Variants in MTSS1 observed in about 807,000 individuals in gnomAD.
The protein encoded by MTSS1 is MTSS I-BAR domain containing 1, also known as protein MTSS 1.
MTSS1 carries 18 observed loss-of-function variants against 79.0 expected under a neutral mutation model. That is an observed-to-expected ratio of 0.23 (90% CI 0.16 to 0.34). The LOEUF is 0.34. MTSS1 is among the 10% of genes least tolerant of loss of function. The pLI, the probability that MTSS1 is intolerant of heterozygous loss-of-function variation, is 1.00. For missense variants in MTSS1, 815 were observed against 986.2 expected, an observed-to-expected ratio of 0.83 and a Z score of 2.33; for synonymous variants, 341 against 368.6, an observed-to-expected ratio of 0.93 and a Z score of 0.86.
At chr8:124,692,881 C>T (rs1313036474) in intron 3 of MTSS1, among the ~76,000 whole-genome samples, 1 of 152,016 alleles carries the variant, frequency 6.6e-6, no homozygotes, top group Non-Finnish European at 1.5e-5. Flanking sequence ...AGGCCAGATA[C>T]TCAGCATCTG....
intron 3 of MTSS1, among the ~76,000 whole-genome samples, chr8:124,680,589 G>C (rs1206476632): frequency 6.6e-6 from 1 of 152,184 alleles, no homozygotes; most frequent in Non-Finnish European, 1.5e-5. Context: ...CATTTCTACA[G>C]CACTAATAGC....
chr8:124,689,113 G>C (rs1441636114), intron 3 of MTSS1, among the ~76,000 whole-genome samples: 1 of 151,974 alleles, frequency 6.6e-6, no homozygotes, highest in Non-Finnish European at 1.5e-5. Context: ...GACCTTTTTA[G>C]TATTCTATAA....
rs1410720073 is a variant in MTSS1, at chr8:124,555,749, A to T, written c.1560T>A (p.Pro520=). Residue 520 remains proline (P), a synonymous_variant, in exon 13 of 14, where the codon CCT becomes CCA. Transcript: ENST00000518547. ...TTPCCSEDTI[P]SQVSDYDYFS... ...CCCCAGGCTGCCTCGTACCTTGGGA[A>T]GGGATGGTGTCCTCAGAGCAGCAGG... 2 of 1,609,434 alleles carry T rather than the reference A, an allele frequency of 1.2e-6. No homozygotes were observed. The highest frequency in any genetic ancestry group is 1.7e-6 in the Non-Finnish European group (2 of 1,177,628).
At chr8:124,573,124 T>C (rs1828206168) in intron 6 of MTSS1, among the ~76,000 whole-genome samples, 1 of 152,228 alleles carries the variant, frequency 6.6e-6, no homozygotes, top group Admixed American at 6.5e-5. Context: ...AACAATATCC[T>C]TAACATGGCC....
intron 1 of MTSS1, among the ~76,000 whole-genome samples, chr8:124,723,462 G>C (rs1328495375): frequency 6.6e-6 from 1 of 152,024 alleles, no homozygotes; most frequent in Admixed American, 6.6e-5. Context: ...CATCAAGCTA[G>C]AAGTTCCAAA....
chr8:124,574,025 C>A (rs893880837), intron 6 of MTSS1, among the ~76,000 whole-genome samples: 2 of 152,120 alleles, frequency 1.3e-5, no homozygotes, highest in Non-Finnish European at 2.9e-5. Context: ...CAGAGTCTCG[C>A]TCTGTTGCCT....
intron 3 of MTSS1, among the ~76,000 whole-genome samples, chr8:124,655,542 T>C (rs975979480): frequency 6.6e-6 from 1 of 152,210 alleles, no homozygotes; most frequent in Non-Finnish European, 1.5e-5. Context: ...CACCACGCCA[T>C]GCGCAGGAGC....
intron 3 of MTSS1, among the ~76,000 whole-genome samples, chr8:124,661,921 G>T (rs993268661): frequency 6.6e-6 from 1 of 152,132 alleles, no homozygotes; most frequent in Non-Finnish European, 1.5e-5. Context: ...TCATCTTCAC[G>T]TCCTTTGTGT....
intron 4 of MTSS1, among the ~76,000 whole-genome samples, chr8:124,590,813 T>C (rs1242906762): frequency 6.6e-6 from 1 of 152,142 alleles, no homozygotes; most frequent in Non-Finnish European, 1.5e-5. Context: ...ACTCTCCAAT[T>C]TCACAGCCCC....
intron 10 of MTSS1, among the ~76,000 whole-genome samples, chr8:124,561,207 G>A (rs1276490860): frequency 1.3e-5 from 2 of 152,148 alleles, no homozygotes; most frequent in Non-Finnish European, 2.9e-5. Flanking sequence ...CGAGGTGGGC[G>A]GATCACCTGA....
chr8:124,585,706 C>T (rs914830959), intron 5 of MTSS1, among the ~76,000 whole-genome samples: 4 of 151,978 alleles, frequency 2.6e-5, no homozygotes, highest in South Asian at 2.1e-4. Flanking sequence ...CCATGCCTGG[C>T]GGGGAATACT....
chr8:124,573,408 AC>A (rs1213253677), intron 6 of MTSS1, among the ~76,000 whole-genome samples: 1 of 151,866 alleles, frequency 6.6e-6, no homozygotes, highest in Non-Finnish European at 1.5e-5. Context: ...TCACAGCACT[AC>A]CCCCGGTTTG....
Position 124,555,885 on chromosome 8 carries a change from GCCTCCATCT to G in MTSS1, c.1415_1423del (p.Glu472_Glu474del). ...CAGGGCCAGGGCCAGCTCCTCACAA[GCCTCCATCT>G]CCTCACCAGGCTGCAGGTTGGAGGA... On this transcript the variant is annotated inframe_deletion, in exon 13 of 14. Coordinates refer to ENST00000518547, the MANE Select transcript of MTSS1 (RefSeq NM_014751.6). 1 of 1,609,334 alleles carries G rather than the reference GCCTCCATCT, an allele frequency of 6.2e-7. No homozygotes were observed. Among genetic ancestry groups the G allele is most frequent in the Non-Finnish European group, 8.5e-7 (1 of 1,179,954 alleles).
At chr8:124,710,289 T>A (rs536806147) in intron 1 of MTSS1, among the ~76,000 whole-genome samples, 2 of 152,336 alleles carry the variant, frequency 1.3e-5, no homozygotes, top group Non-Finnish European at 2.9e-5. Flanking sequence ...AGACAGGTGA[T>A]GGGAGAACCT....
intron 6 of MTSS1, chr8:124,580,374 TAAAAC>T (rs1829813982): frequency 4.8e-6 from 3 of 619,432 alleles, no homozygotes; most frequent in African/African-American, 1.8e-5. Flanking sequence ...AGAAAACAAT[TAAAAC>T]ACAACGCACA....
intron 3 of MTSS1, among the ~76,000 whole-genome samples, chr8:124,652,237 A>C (rs1274276973): frequency 1.3e-5 from 2 of 152,138 alleles, no homozygotes; most frequent in Non-Finnish European, 2.9e-5. Flanking sequence ...GCAATGGCAC[A>C]ATCTTGGCTC....
intron 3 of MTSS1, among the ~76,000 whole-genome samples, chr8:124,680,294 C>T (rs73345813): frequency 0.037 from 5,610 of 152,232 alleles, 136 homozygotes; most frequent in African/African-American, 0.074. Context: ...AAGTACTAGG[C>T]GAGATCAAGA....
chr8:124,613,614 C>T (rs891420822), intron 3 of MTSS1, among the ~76,000 whole-genome samples: 12 of 152,208 alleles, frequency 7.9e-5, no homozygotes, highest in Non-Finnish European at 1.8e-4. Context: ...CAGAAAGGTC[C>T]TTCAAGCCTA....
chr8:124,684,520 G>A (rs1826637932), intron 3 of MTSS1, among the ~76,000 whole-genome samples: 1 of 152,200 alleles, frequency 6.6e-6, no homozygotes, highest in Admixed American at 6.5e-5. Context: ...AAAAGGATGG[G>A]TAGATTTTCC....
Sources: gnomAD v4.1 joint callset for allele counts (sites outside exome capture counted in the v4.1 genomes callset) on GRCh38, gnomAD v4.1.1 for gene constraint, MANE v1.5 for transcripts, NCBI Gene and HGNC (gene_info 2026-07-23, HGNC 2026-07-21) for gene names.